LTBP1: variants seen among roughly 807,000 people sequenced by gnomAD.
The protein encoded by LTBP1 is latent transforming growth factor beta binding protein 1.
LTBP1 carries 129 observed loss-of-function variants against 207.6 expected under a neutral mutation model. The ratio of observed to expected loss-of-function variants is 0.62; its 90% CI spans 0.54 to 0.72. The LOEUF is 0.72. Ranked by LOEUF, LTBP1 falls within the 30% of genes least tolerant of loss-of-function variation. LTBP1 has a pLI of 0.00. For synonymous variants in LTBP1, 963 were observed against 833.7 expected, an observed-to-expected ratio of 1.16 and a Z score of -2.67; for missense variants, 2,281 against 2,217.2, an observed-to-expected ratio of 1.03 and a Z score of -0.58.
intron 3 of LTBP1, among the ~76,000 whole-genome samples, chr2:33,025,503 C>G (rs931576572): frequency 3.3e-5 from 5 of 152,084 alleles, no homozygotes; most frequent in Non-Finnish European, 5.9e-5. Flanking sequence ...ACACATTAAC[C>G]AATCACAGTA....
intron 3 of LTBP1, among the ~76,000 whole-genome samples, chr2:33,060,240 T>C (rs1046586282): frequency 6.6e-6 from 1 of 152,122 alleles, no homozygotes; most frequent in Non-Finnish European, 1.5e-5. Context: ...GTGTTAGAAG[T>C]GGGTTGAGAG....
intron 20 of LTBP1, among the ~76,000 whole-genome samples, chr2:33,294,016 T>C: frequency 7.1e-6 from 1 of 141,090 alleles, no homozygotes. Flanking sequence ...TTTTTTTTTT[T>C]TTTTTTTGAG....
intron 2 of LTBP1, among the ~76,000 whole-genome samples, chr2:33,005,410 C>T (rs1328856898): frequency 6.6e-6 from 1 of 152,020 alleles, no homozygotes; most frequent in Non-Finnish European, 1.5e-5. Flanking sequence ...CCAGGTGCAC[C>T]TTTCCACATG....
intron 27 of LTBP1, 79 bp downstream of exon 27, chr2:33,360,858 T>G: frequency 7.5e-7 from 1 of 1,324,778 alleles, no homozygotes; most frequent in Non-Finnish European, 1.1e-6. Context: ...ATAACACTCA[T>G]TCCCACAGCC....
At position 33,368,302 on chromosome 2, in the gene LTBP1, C is replaced by T. The variant is rs2095024750; in HGVS notation, c.4711+2799C>T. The stretch of plus-strand genomic sequence containing the variant: ...TCTCAAAGAACTAAAAATAGAACTA[C>T]CCGGCGATCCCACTAACTGGGTACC... On this transcript the variant is annotated intron_variant, in intron 31 of 33. Transcript: ENST00000404816. Among the ~76,000 whole-genome samples the T allele has an allele frequency of 3.3e-5, 5 of 152,194 alleles. No individual in the cohort carries two copies. The South Asian group carries it at 1.0e-3, about 32-fold the overall frequency.
chr2:33,096,240 A>C (rs1232147160), intron 3 of LTBP1, among the ~76,000 whole-genome samples: 1 of 152,196 alleles, frequency 6.6e-6, no homozygotes, highest in Non-Finnish European at 1.5e-5. Flanking sequence ...AAAGTGCTAG[A>C]AAATAAACTA....
rs2095386604 is a variant in LTBP1 at position 33,399,444 on chromosome 2, C to G, written c.*899C>G. The G allele has an allele frequency of 6.6e-6, 1 of 152,098 alleles. No individual in the cohort carries two copies. Among genetic ancestry groups the G allele is most frequent in the Admixed American group, 6.5e-5 (1 of 15,268 alleles). 9.4% of individuals were successfully genotyped at this position (152,098 alleles called of 1,614,324 possible). On this transcript the variant is annotated 3_prime_UTR_variant, in exon 34 of 34. Coordinates refer to ENST00000404816, the MANE Select transcript of LTBP1 (RefSeq NM_206943.4). ...CCCCACTTTTATCTTTTCCAGTGGT[C>G]TTCTGTTAATGTAGTGTCTTTTACA...
At chr2:33,061,550 A>G (rs1257192961) in intron 3 of LTBP1, 2 of 152,162 alleles carry the variant, frequency 1.3e-5, no homozygotes, top group Admixed American at 1.3e-4. Flanking sequence ...ACTTCATGTG[A>G]GATTATACAA....
chr2:33,309,098 C>G (rs925425176), intron 22 of LTBP1, among the ~76,000 whole-genome samples: 1 of 151,912 alleles, frequency 6.6e-6, no homozygotes. Flanking sequence ...GACTGGCCAA[C>G]ATGGTGAAAC....
intron 2 of LTBP1, among the ~76,000 whole-genome samples, chr2:33,008,322 T>C (rs1197735164): frequency 6.6e-6 from 1 of 152,256 alleles, no homozygotes; most frequent in Non-Finnish European, 1.5e-5. Context: ...AATAGTACTC[T>C]GTCTCACATA....
At chr2:33,386,060 G>A (rs766621272) in intron 31 of LTBP1, among the ~76,000 whole-genome samples, 8 of 152,158 alleles carry the variant, frequency 5.3e-5, no homozygotes, top group Non-Finnish European at 7.4e-5. Context: ...TCCACTGCCC[G>A]CTTCCCTAGC....
chr2:32,962,015 A>G (rs1679196376), intron 2 of LTBP1, among the ~76,000 whole-genome samples: 1 of 151,872 alleles, frequency 6.6e-6, no homozygotes, highest in African/African-American at 2.4e-5. Flanking sequence ...CCTTATTAAT[A>G]AGGTTTTTAT....
chr2:33,376,765 G>C (rs2095144898), intron 31 of LTBP1, among the ~76,000 whole-genome samples: 1 of 152,162 alleles, frequency 6.6e-6, no homozygotes, highest in South Asian at 2.1e-4. Flanking sequence ...AGATTCCCTA[G>C]TAGATCAATA....
At chr2:33,353,935 C>G (rs1248100797) in intron 26 of LTBP1, among the ~76,000 whole-genome samples, 1 of 151,284 alleles carries the variant, frequency 6.6e-6, no homozygotes, top group Non-Finnish European at 1.5e-5. Context: ...TCTTGACTCA[C>G]TGCAAGCTCT....
chr2:32,957,259 C>G (rs373501559), intron 2 of LTBP1, among the ~76,000 whole-genome samples: 1 of 152,200 alleles, frequency 6.6e-6, no homozygotes, highest in African/African-American at 2.4e-5. Context: ...TCTTTGCATT[C>G]ACAACTTGGC....
rs2093277874 is a variant in LTBP1 at position 33,269,944 on chromosome 2, A to AT, written c.2618-3705dup. ...TTTAAAGTATAAGTACCAGTAATTTATTTTTTTACCTGATATTCAACTTTT... is the reference window on the plus strand; with the variant it reads ...TTTAAAGTATAAGTACCAGTAATTTATTTTTTTTACCTGATATTCAACTTTT... On this transcript the variant is annotated intron_variant, in intron 15 of 33. Transcript: ENST00000404816. Among the ~76,000 whole-genome samples, 4 of 143,182 alleles carry AT rather than the reference A, an allele frequency of 2.8e-5. No homozygotes were observed. The South Asian group carries it at 9.2e-4, about 33-fold the overall frequency. 93.9% of individuals were successfully genotyped at this position (143,182 alleles called of 152,430 possible). A position where few individuals can be genotyped will look rare whatever the true frequency, so the allele number is the denominator to read the frequency against.
intron 2 of LTBP1, among the ~76,000 whole-genome samples, chr2:33,008,512 G>A (rs868234707): frequency 4.8e-4 from 73 of 152,162 alleles, no homozygotes; most frequent in African/African-American, 1.7e-3. Flanking sequence ...AATTAACACT[G>A]TGTGTAATTT....
intron 24 of LTBP1, among the ~76,000 whole-genome samples, chr2:33,330,268 C>A (rs1291691110): frequency 5.3e-5 from 8 of 152,012 alleles, no homozygotes; most frequent in Non-Finnish European, 7.4e-5. Context: ...AGTTTATATG[C>A]AGATTTCTTT....
chr2:33,034,773 A>G (rs1390438360), intron 3 of LTBP1, among the ~76,000 whole-genome samples: 1 of 152,146 alleles, frequency 6.6e-6, no homozygotes, highest in Non-Finnish European at 1.5e-5. Flanking sequence ...AGGGGCTGAC[A>G]TTTCCTCTCA....
Sources: allele counts gnomAD v4.1 joint callset (sites outside exome capture counted in the v4.1 genomes callset), GRCh38; gene constraint gnomAD v4.1.1; transcripts MANE v1.5; gene names NCBI Gene and HGNC (gene_info 2026-07-23, HGNC 2026-07-21).